The following TNIK variants were observed in gnomAD, a reference collection of about 807,000 sequenced individuals.
TNIK encodes the protein TRAF2 and NCK interacting kinase.
A neutral mutation model predicts 191.3 loss-of-function variants in TNIK; 49 were observed. The ratio of observed to expected loss-of-function variants is 0.26; its 90% CI spans 0.20 to 0.32. The LOEUF (loss-of-function observed/expected upper bound fraction) is 0.32, where lower values mean the gene tolerates loss of function less well. Among genes scored for constraint, TNIK ranks in the 10% least tolerant of loss-of-function variants. The probability of loss-of-function intolerance (pLI) is 1.00; values close to 1 mark genes in which losing one functional copy is unlikely to be tolerated. For synonymous variants in TNIK, 594 were observed against 600.9 expected, an observed-to-expected ratio of 0.99 and a Z score of 0.17; for missense variants, 1,155 against 1,702.3, an observed-to-expected ratio of 0.68 and a Z score of 5.66.
intron 6 of TNIK, among the ~76,000 whole-genome samples, chr3:171,190,133 G>C (rs34668148): frequency 0.23 from 35,474 of 152,054 alleles, 4,678 homozygotes; most frequent in East Asian, 0.49. Flanking sequence ...TCCCAGATTT[G>C]TTGCGGAAAG....
chr3:171,151,554 T>C (rs920450771), intron 12 of TNIK, among the ~76,000 whole-genome samples: 3 of 152,190 alleles, frequency 2.0e-5, no homozygotes, highest in African/African-American at 7.2e-5. Flanking sequence ...ACAACAGCCC[T>C]GTGAGGTAAA....
chr3:171,193,745 T>C (rs781575236), intron 5 of TNIK, among the ~76,000 whole-genome samples: 7 of 152,146 alleles, frequency 4.6e-5, no homozygotes, highest in Non-Finnish European at 8.8e-5. Context: ...GCAGAGCTTA[T>C]AAATAAATAA....
intron 1 of TNIK, among the ~76,000 whole-genome samples, chr3:171,424,089 C>A (rs1025316372): frequency 4.0e-4 from 61 of 152,210 alleles, no homozygotes; most frequent in African/African-American, 1.2e-3. Context: ...ACTCATCTGA[C>A]AAAGGGCTAA....
intron 2 of TNIK, among the ~76,000 whole-genome samples, chr3:171,250,692 A>G (rs182635483): frequency 2.6e-5 from 4 of 152,302 alleles, no homozygotes; most frequent in Admixed American, 1.3e-4. Flanking sequence ...AATCATTCAG[A>G]TCTCTTTAGA....
At chr3:171,100,940 T>G (rs1239846604) in intron 22 of TNIK, among the ~76,000 whole-genome samples, 3 of 152,126 alleles carry the variant, frequency 2.0e-5, no homozygotes. Flanking sequence ...GGGGTATATT[T>G]TGGAACTTTC....
rs1553878341 is a variant in TNIK at position 171,282,347 on chromosome 3, T to TTTTTTTTTG, written c.124-54127_124-54126insCAAAAAAAA. Among the ~76,000 whole-genome samples, 10 of 143,998 alleles carry TTTTTTTTTG rather than the reference T, an allele frequency of 6.9e-5. 1 individual carries two copies. The highest frequency in any genetic ancestry group is 2.6e-4 in the African/African-American group (10 of 38,682). 94.5% of individuals were successfully genotyped at this position (143,998 alleles called of 152,430 possible). A position where few individuals can be genotyped will look rare whatever the true frequency, so the allele number is the denominator to read the frequency against. ...ATTCTCTTAATGGTTTTTTGTTTTT[T>TTTTTTTTTG]TTTTTTTTTTTGAGATGGAGTTTCG... On this transcript the variant is annotated intron_variant, in intron 2 of 32. Transcript: ENST00000436636.
At chr3:171,108,374 TAA>T (rs372751977) in intron 19 of TNIK, among the ~76,000 whole-genome samples, 2 of 148,940 alleles carry the variant, frequency 1.3e-5, no homozygotes, top group African/African-American at 4.9e-5. Context: ...TAGTAACAAT[TAA>T]AAAAAAAAGA....
At chr3:171,340,650 G>C (rs1757421638) in intron 2 of TNIK, among the ~76,000 whole-genome samples, 2 of 152,148 alleles carry the variant, frequency 1.3e-5, no homozygotes, top group East Asian at 3.8e-4. Flanking sequence ...AGCTTTCTAA[G>C]GATATTCTTT....
chr3:171,117,411 A>T (rs1184678303), intron 18 of TNIK, among the ~76,000 whole-genome samples: 1 of 152,066 alleles, frequency 6.6e-6, no homozygotes, highest in African/African-American at 2.4e-5. Flanking sequence ...CCTTGGACAC[A>T]TGTTAATTTC....
intron 23 of TNIK, among the ~76,000 whole-genome samples, chr3:171,092,045 G>T (rs940792025): frequency 6.6e-6 from 1 of 151,288 alleles, no homozygotes; most frequent in Middle Eastern, 3.4e-3. Flanking sequence ...TGCCTCCCGG[G>T]TTCACGCCAT....
At chr3:171,402,333 TAAG>T (rs1276095076) in intron 1 of TNIK, among the ~76,000 whole-genome samples, 1 of 152,088 alleles carries the variant, frequency 6.6e-6, no homozygotes, top group Non-Finnish European at 1.5e-5. Context: ...AAAACAAAAT[TAAG>T]AAAAGAAAGT....
At chr3:171,372,543 A>C (rs1716648124) in intron 1 of TNIK, among the ~76,000 whole-genome samples, 1 of 152,216 alleles carries the variant, frequency 6.6e-6, no homozygotes, top group African/African-American at 2.4e-5. Flanking sequence ...TGATCCATGG[A>C]AGTGCTGGAG....
Position 171,063,850 on chromosome 3 carries a change from G to T in TNIK, c.*31C>A, listed in dbSNP as rs185162556. On this transcript the variant is annotated 3_prime_UTR_variant, in exon 33 of 33. Coordinates refer to ENST00000436636, the MANE Select transcript of TNIK (RefSeq NM_015028.4). ...TATGTTCTTTTAAATTAGAAATAAC[G>T]CCATGAAGATAAGTGCCAAGTGCTC... 6.2e-7 allele frequency: 1 copy of T among 1,600,248 alleles called. No homozygotes were observed. The highest frequency in any genetic ancestry group is 8.5e-7 in the Non-Finnish European group (1 of 1,170,196).
chr3:171,428,737 CA>C (rs66841629), intron 1 of TNIK, among the ~76,000 whole-genome samples: 52,849 of 151,684 alleles, frequency 0.35, 11,773 homozygotes, highest in Non-Finnish European at 0.48. Context: ...TGGCACTGCC[CA>C]TTATTACCTC....
chr3:171,271,374 T>G (rs1689972519), intron 2 of TNIK, among the ~76,000 whole-genome samples: 1 of 152,228 alleles, frequency 6.6e-6, no homozygotes, highest in Non-Finnish European at 1.5e-5. Context: ...CCGAGACTCA[T>G]TTACAAGAAG....
At chr3:171,348,778 G>T (rs1189153996) in intron 2 of TNIK, among the ~76,000 whole-genome samples, 1 of 151,932 alleles carries the variant, frequency 6.6e-6, no homozygotes, top group African/African-American at 2.4e-5. Flanking sequence ...CTGCTATGCT[G>T]GTAAGCCTCA....
At chr3:171,360,698 T>C (rs1714841609) in intron 2 of TNIK, among the ~76,000 whole-genome samples, 1 of 152,230 alleles carries the variant, frequency 6.6e-6, no homozygotes, top group Non-Finnish European at 1.5e-5. Flanking sequence ...AGTCAAGCCT[T>C]TGGTAACACT....
intron 2 of TNIK, among the ~76,000 whole-genome samples, chr3:171,250,820 T>C (rs554656423): frequency 1.3e-5 from 2 of 152,264 alleles, no homozygotes; most frequent in Non-Finnish European, 2.9e-5. Context: ...CAAACTTCCA[T>C]TATTATTCTA....
At chr3:171,332,965 T>C (rs1756552705) in intron 2 of TNIK, among the ~76,000 whole-genome samples, 1 of 151,804 alleles carries the variant, frequency 6.6e-6, no homozygotes, top group Admixed American at 6.6e-5. Context: ...GACTAGGGGG[T>C]GGAAATGCTA....
Sources: allele counts gnomAD v4.1 joint callset (sites outside exome capture counted in the v4.1 genomes callset), GRCh38; gene constraint gnomAD v4.1.1; transcripts MANE v1.5; gene names NCBI Gene and HGNC (gene_info 2026-07-23, HGNC 2026-07-21).